The following STX6 variants were observed in gnomAD, a reference collection of about 807,000 sequenced individuals.
STX6 encodes the protein syntaxin-6.
In STX6, 23 loss-of-function variants were observed where a neutral mutation model predicts 38.0. The ratio of observed to expected loss-of-function variants is 0.60; its 90% CI spans 0.43 to 0.86. The LOEUF is 0.86. Among genes scored for constraint, STX6 ranks in the 40% least tolerant of loss-of-function variants. The pLI, the probability that STX6 is intolerant of heterozygous loss-of-function variation, is 0.00. For synonymous variants in STX6, 123 were observed against 107.5 expected, an observed-to-expected ratio of 1.14 and a Z score of -0.89; for missense variants, 274 against 312.9, an observed-to-expected ratio of 0.88 and a Z score of 0.94.
At chr1:180,995,630 C>T (rs1447741339) in intron 3 of STX6, among the ~76,000 whole-genome samples, 3 of 152,192 alleles carry the variant, frequency 2.0e-5, no homozygotes, top group Non-Finnish European at 4.4e-5. Flanking sequence ...CCAAGGCAGT[C>T]GGAACGCTTG....
At chr1:180,976,794 TG>T in intron 7 of STX6, 148 bp from the exon 8 acceptor site, 2 of 704,086 alleles carry the variant, frequency 2.8e-6, no homozygotes, top group African/African-American at 1.7e-5. Flanking sequence ...CCTAGGTGCC[TG>T]ATGCTCTAAT....
intron 6 of STX6, 54 bp from the exon 7 acceptor site, chr1:180,984,825 C>T (rs1361500304): frequency 6.4e-6 from 5 of 783,572 alleles, no homozygotes; most frequent in Non-Finnish European, 6.6e-6. Flanking sequence ...CTTGGCAGTG[C>T]ACTTGCACTG....
chr1:180,993,160 G>A (rs1396372716), intron 4 of STX6, among the ~76,000 whole-genome samples: 1 of 152,134 alleles, frequency 6.6e-6, no homozygotes, highest in Non-Finnish European at 1.5e-5. Flanking sequence ...AGACCAGAGG[G>A]TAAGAGGAGG....
rs563417036 is a variant in STX6 at position 180,993,492 on chromosome 1, A to T, written c.301-67T>A. ...TAAACAAAATCACAGTTAACATTTC[A>T]TACATTAGCAAAACACACAATTTAT... On this transcript the variant is annotated intron_variant, in intron 3 of 7. Transcript: ENST00000258301. 247 of 841,468 alleles carry T rather than the reference A, an allele frequency of 2.9e-4. 3 individuals carry two copies. Among genetic ancestry groups the T allele is most frequent in the South Asian group, 2.0e-3 (124 of 62,882 alleles). The allele number at this position is 841,468 out of a possible 1,614,324, so 52.1% of individuals were successfully genotyped here. A position where few individuals can be genotyped will look rare whatever the true frequency, so the allele number is the denominator to read the frequency against.
intron 7 of STX6, among the ~76,000 whole-genome samples, chr1:180,981,105 T>C (rs1165587570): frequency 6.6e-6 from 1 of 152,222 alleles, no homozygotes; most frequent in African/African-American, 2.4e-5. Context: ...TGGATACATG[T>C]CATTTATACA....
intron 1 of STX6, among the ~76,000 whole-genome samples, chr1:181,010,597 C>A (rs985131851): frequency 6.6e-6 from 1 of 151,978 alleles, no homozygotes; most frequent in African/African-American, 2.4e-5. Flanking sequence ...CCTCCGCGCC[C>A]GGCCTCATGA....
intron 1 of STX6, among the ~76,000 whole-genome samples, chr1:181,019,712 AG>A (rs1262575770): frequency 1.3e-5 from 2 of 152,222 alleles, no homozygotes; most frequent in South Asian, 4.1e-4. Context: ...CTAGGACTCT[AG>A]AAAAGCTTAC....
At chr1:180,996,935 C>A (rs750513898) in intron 3 of STX6, among the ~76,000 whole-genome samples, 5 of 152,068 alleles carry the variant, frequency 3.3e-5, no homozygotes, top group Non-Finnish European at 7.4e-5. Context: ...AAGTTATGCT[C>A]ACAAAGATGG....
chr1:181,004,988 T>C (rs1178959880), intron 2 of STX6, among the ~76,000 whole-genome samples: 1 of 150,294 alleles, frequency 6.7e-6, no homozygotes, highest in Non-Finnish European at 1.5e-5. Flanking sequence ...TCCCTTTACA[T>C]TGGTGGAGGC....
At chr1:180,988,517 G>C (rs1655656147) in intron 5 of STX6, 172 bp from the exon 6 acceptor site, 1 of 559,870 alleles carries the variant, frequency 1.8e-6, no homozygotes, top group South Asian at 2.0e-5. Context: ...CTGCTCAAAA[G>C]GCTGGATTGT....
intron 3 of STX6, among the ~76,000 whole-genome samples, chr1:181,000,665 A>G (rs1656053599): frequency 6.6e-6 from 1 of 152,190 alleles, no homozygotes; most frequent in Non-Finnish European, 1.5e-5. Context: ...AGCTTTTCAG[A>G]TATTAGAAAA....
At chr1:181,008,465 GT>G (rs1656291167) in intron 1 of STX6, among the ~76,000 whole-genome samples, 1 of 152,154 alleles carries the variant, frequency 6.6e-6, no homozygotes, top group Non-Finnish European at 1.5e-5. Flanking sequence ...TGCTTAAAAA[GT>G]TTTGGATTTT....
intron 2 of STX6, among the ~76,000 whole-genome samples, chr1:181,003,184 C>T (rs536312534): frequency 1.3e-5 from 2 of 152,312 alleles, no homozygotes; most frequent in East Asian, 3.9e-4. Flanking sequence ...TAGCCTGGTC[C>T]GACGCACCAT....
chr1:180,995,302 A>T (rs1260746459), intron 3 of STX6, among the ~76,000 whole-genome samples: 5 of 151,972 alleles, frequency 3.3e-5, no homozygotes, highest in Non-Finnish European at 5.9e-5. Context: ...CCCCTATGAG[A>T]CCTACGAAGT....
intron 7 of STX6, among the ~76,000 whole-genome samples, chr1:180,978,172 G>C (rs1655305896): frequency 6.6e-6 from 1 of 152,210 alleles, no homozygotes; most frequent in African/African-American, 2.4e-5. Flanking sequence ...AAGTATGTAA[G>C]AAGCTTAGAA....
At chr1:181,006,850 T>G (rs1656236578) in intron 1 of STX6, among the ~76,000 whole-genome samples, 1 of 152,182 alleles carries the variant, frequency 6.6e-6, no homozygotes, top group African/African-American at 2.4e-5. Flanking sequence ...GAATACAGCT[T>G]CTAGGTGCAG....
At chr1:180,984,993 T>C (rs935495436) in intron 6 of STX6, among the ~76,000 whole-genome samples, 6 of 152,298 alleles carry the variant, frequency 3.9e-5, no homozygotes, top group East Asian at 3.9e-4. Flanking sequence ...TTTGTATTAG[T>C]CGACACCACT....
chr1:180,982,874 C>G (rs1268318408), intron 7 of STX6, among the ~76,000 whole-genome samples: 1 of 152,122 alleles, frequency 6.6e-6, no homozygotes, highest in Non-Finnish European at 1.5e-5. Context: ...GCCTGCTTCC[C>G]ATATATGCAC....
chr1:180,978,517 C>G (rs1474938442), intron 7 of STX6, among the ~76,000 whole-genome samples: 1 of 152,192 alleles, frequency 6.6e-6, no homozygotes, highest in Admixed American at 6.5e-5. Context: ...GGTTTTACCT[C>G]CAGGAGCTTG....
Sources: gnomAD v4.1 joint callset for allele counts (sites outside exome capture counted in the v4.1 genomes callset) on GRCh38, gnomAD v4.1.1 for gene constraint, MANE v1.5 for transcripts, NCBI Gene and HGNC (gene_info 2026-07-23, HGNC 2026-07-21) for gene names.